Variants in PRKN observed in about 807,000 individuals in gnomAD.
The protein encoded by PRKN is E3 ubiquitin-protein ligase parkin.
In PRKN, 56 loss-of-function variants were observed where a neutral mutation model predicts 59.5. The ratio of observed to expected loss-of-function variants is 0.94; its 90% CI spans 0.76 to 1.18. PRKN has a LOEUF of 1.18. Among genes scored for constraint, PRKN ranks in the 50% most tolerant of loss-of-function variants. The pLI is 0.00. For missense variants in PRKN, 657 were observed against 596.4 expected, an observed-to-expected ratio of 1.10 and a Z score of -1.06; for synonymous variants, 250 against 222.1, an observed-to-expected ratio of 1.13 and a Z score of -1.12.
intron 6 of PRKN, among the ~76,000 whole-genome samples, chr6:161,943,476 G>C (rs1779639959): frequency 6.6e-6 from 1 of 152,206 alleles, no homozygotes; most frequent in African/African-American, 2.4e-5. Context: ...TGTATATTTT[G>C]AAGGAATATA....
intron 1 of PRKN, among the ~76,000 whole-genome samples, chr6:162,650,830 T>A (rs1778400915): frequency 6.6e-6 from 1 of 152,168 alleles, no homozygotes; most frequent in African/African-American, 2.4e-5. Context: ...ACAGTGAAGA[T>A]GATCTATTAA....
intron 4 of PRKN, among the ~76,000 whole-genome samples, chr6:162,119,154 C>G (rs1265729520): frequency 6.6e-6 from 1 of 152,160 alleles, no homozygotes; most frequent in Non-Finnish European, 1.5e-5. Context: ...AGAAAAAGCA[C>G]ACTTTTTCTT....
intron 4 of PRKN, among the ~76,000 whole-genome samples, chr6:162,109,284 C>T (rs1780322174): frequency 6.6e-6 from 1 of 152,080 alleles, no homozygotes; most frequent in Non-Finnish European, 1.5e-5. Context: ...ATCAGTAAGA[C>T]AAAGAAAGTC....
rs112152919 is a variant in PRKN, at chr6:161,593,951, A to C, written c.872-24535T>G. Among the ~76,000 whole-genome samples the C allele has an allele frequency of 2.6e-5, 4 of 151,794 alleles. No homozygotes were observed. Among genetic ancestry groups the C allele is most frequent in the African/African-American group, 7.2e-5 (3 of 41,408 alleles). The stretch of plus-strand genomic sequence containing the variant: ...CAGATCACGAGGTCAGGAGTTTGAG[A>C]CCAGCCTGGCCAACATAGTGAAACC... On this transcript the variant is annotated intron_variant, in intron 7 of 11. Transcript: ENST00000366898. This position sits in a 1 kb window ranked among gnomAD's most constrained non-coding sequence, Gnocchi z 4.8.
At position 161,990,442 on chromosome 6, in the gene PRKN, C is replaced by G. The variant is rs148703306; in HGVS notation, c.619-17025G>C. Among the ~76,000 whole-genome samples the G allele has an allele frequency of 4.8e-3, 730 of 152,300 alleles. 4 individuals carry two copies. Among genetic ancestry groups the G allele is most frequent in the African/African-American group, 0.015 (632 of 41,566 alleles). ...ATAAAATTGGAAGAAGCAACTGCTA[C>G]ATCAGAGGCACTGTAAAAAGCTCAA... is the stretch of plus-strand genomic sequence containing the variant. On this transcript the variant is annotated intron_variant, in intron 5 of 11. Coordinates refer to ENST00000366898, the MANE Select transcript of PRKN (RefSeq NM_004562.3).
chr6:162,309,781 G>A (rs1782399234), intron 2 of PRKN, among the ~76,000 whole-genome samples: 1 of 152,096 alleles, frequency 6.6e-6, no homozygotes, highest in African/African-American at 2.4e-5. Context: ...GTGTCATGGA[G>A]TTTTGCTGTA....
intron 6 of PRKN, among the ~76,000 whole-genome samples, chr6:161,946,494 A>C (rs1279889314): frequency 6.6e-6 from 1 of 151,178 alleles, no homozygotes; most frequent in Non-Finnish European, 1.5e-5. Context: ...AATCCATAGA[A>C]TCCTCAAATG....
intron 4 of PRKN, among the ~76,000 whole-genome samples, chr6:162,113,557 G>C: frequency 6.6e-6 from 1 of 152,164 alleles, no homozygotes; most frequent in East Asian, 1.9e-4. Context: ...ATTTGCAAGA[G>C]TTATGCTTAT....
At chr6:162,466,175 A>T (rs967210523) in intron 1 of PRKN, among the ~76,000 whole-genome samples, 1 of 152,176 alleles carries the variant, frequency 6.6e-6, no homozygotes, top group Non-Finnish European at 1.5e-5. Flanking sequence ...AAGTTTATGC[A>T]TGTATTGAGG....
At chr6:162,664,361 C>CAT (rs1028626902) in intron 1 of PRKN, among the ~76,000 whole-genome samples, 4 of 152,148 alleles carry the variant, frequency 2.6e-5, no homozygotes, top group African/African-American at 9.7e-5. Context: ...CATACGTGTA[C>CAT]ATATGTCTTT....
chr6:161,450,837 G>A (rs1026391959), intron 9 of PRKN, among the ~76,000 whole-genome samples: 3 of 152,194 alleles, frequency 2.0e-5, no homozygotes, highest in East Asian at 1.9e-4. Context: ...TTACAGGCGT[G>A]AGCCACCATG....
intron 1 of PRKN, among the ~76,000 whole-genome samples, chr6:162,635,471 T>C (rs1777672829): frequency 6.6e-6 from 1 of 152,224 alleles, no homozygotes; most frequent in Non-Finnish European, 1.5e-5. Context: ...CTTGATTTTA[T>C]ATGAGACTGT....
At chr6:161,960,858 A>G (rs1780351992) in intron 6 of PRKN, among the ~76,000 whole-genome samples, 1 of 152,204 alleles carries the variant, frequency 6.6e-6, no homozygotes, top group Admixed American at 6.5e-5. Flanking sequence ...AAAGGGAAGG[A>G]GAATTCACTT....
At chr6:162,282,822 C>T (rs946627688) in intron 2 of PRKN, among the ~76,000 whole-genome samples, 17 of 152,248 alleles carry the variant, frequency 1.1e-4, no homozygotes, top group African/African-American at 4.1e-4. Context: ...TTTTGATTAA[C>T]TCTGAAGAAT....
chr6:161,774,367 C>A (rs1177986581), intron 7 of PRKN, among the ~76,000 whole-genome samples: 1 of 148,766 alleles, frequency 6.7e-6, no homozygotes, highest in Non-Finnish European at 1.5e-5. Context: ...CTCCCCCATC[C>A]TTTCTACTCC....
chr6:161,991,757 T>A (rs1781656806), intron 5 of PRKN, among the ~76,000 whole-genome samples: 1 of 151,814 alleles, frequency 6.6e-6, no homozygotes, highest in Admixed American at 6.6e-5. Flanking sequence ...GCAGGAGAGT[T>A]GCTTGAACCC....
chr6:162,323,551 CAGTA>C (rs1483580933), intron 2 of PRKN, among the ~76,000 whole-genome samples: 1 of 151,626 alleles, frequency 6.6e-6, no homozygotes, highest in Non-Finnish European at 1.5e-5. Flanking sequence ...TTTTCAAACT[CAGTA>C]AGAAAGCAAA....
At chr6:162,543,400 C>T (rs1778998453) in intron 1 of PRKN, among the ~76,000 whole-genome samples, 1 of 152,102 alleles carries the variant, frequency 6.6e-6, no homozygotes, top group African/African-American at 2.4e-5. Flanking sequence ...ACAGCAGCTG[C>T]TCACATCTTT....
intron 2 of PRKN, among the ~76,000 whole-genome samples, chr6:162,268,468 A>G (rs1780231383): frequency 1.3e-5 from 2 of 152,198 alleles, no homozygotes; most frequent in African/African-American, 4.8e-5. Flanking sequence ...AGAATTTTAT[A>G]AATTGCCCAG....
Sources: allele counts gnomAD v4.1 joint callset (sites outside exome capture counted in the v4.1 genomes callset), GRCh38; gene constraint gnomAD v4.1.1; non-coding constraint Gnocchi (gnomAD v3.1); transcripts MANE v1.5; gene names NCBI Gene and HGNC (gene_info 2026-07-23, HGNC 2026-07-21).